Variants in BRI3BP observed in about 807,000 individuals in gnomAD.
BRI3BP encodes BRI3-binding protein.
BRI3BP carries 7 observed loss-of-function variants against 15.8 expected under a neutral mutation model. The observed-to-expected ratio is 0.44, with a 90% CI of 0.25 to 0.83. The LOEUF is 0.83. BRI3BP is among the 40% of genes least tolerant of loss of function. The probability of loss-of-function intolerance (pLI) is 0.20; values close to 1 mark genes in which losing one functional copy is unlikely to be tolerated. For synonymous variants in BRI3BP, 192 were observed against 163.5 expected (o/e 1.17, Z -1.33); for missense variants, 320 against 339.3 (o/e 0.94, Z 0.45).
downstream of BRI3BP, among the ~76,000 whole-genome samples, chr12:125,032,983 GC>G (rs1955417789): frequency 6.6e-6 from 1 of 152,044 alleles, no homozygotes; most frequent in South Asian, 2.1e-4. Context: ...ACCAGCTACA[GC>G]CTCACCATCT....
chr12:125,006,093 G>C (rs1257262217), intron 1 of BRI3BP, among the ~76,000 whole-genome samples: 4 of 151,998 alleles, frequency 2.6e-5, no homozygotes, highest in Admixed American at 2.6e-4. Flanking sequence ...GACACCAGTC[G>C]CATCGGATTA....
In BRI3BP at chr12:125,030,648, T is replaced by A. The variant is rs1024122214; in HGVS notation, c.*5218T>A. On this transcript the variant is annotated 3_prime_UTR_variant, in exon 3 of 3. Transcript: ENST00000341446. ...TGGTATTATTGACCATGTGTTCTCA[T>A]GTCTTTTTGCAGATTTAAAGGTTTT... The A allele has an allele frequency of 6.6e-6, 1 of 152,260 alleles. No homozygotes were observed. Among genetic ancestry groups the A allele is most frequent in the Non-Finnish European group, 1.5e-5 (1 of 68,040 alleles). The allele number at this position is 152,260 out of a possible 1,614,324, so 9.4% of individuals were successfully genotyped here.
chr12:125,008,299 C>CTTTTTTTTTTTTTTTTTT (rs55697100), intron 1 of BRI3BP, among the ~76,000 whole-genome samples: 13 of 99,930 alleles, frequency 1.3e-4, no homozygotes, highest in East Asian at 3.1e-4. Context: ...CCTCTTCTTT[C>CTTTTTTTTTTTTTTTTTT]TTTTTTTTTT....
chr12:125,033,902 C>T (rs1223789340), downstream of BRI3BP, among the ~76,000 whole-genome samples: 1 of 152,016 alleles, frequency 6.6e-6, no homozygotes, highest in Non-Finnish European at 1.5e-5. Flanking sequence ...ACCACCACAC[C>T]CAGCTAATTT....
At chr12:125,038,280 G>C in the BRI3BP span, among the ~76,000 whole-genome samples, 3 of 150,742 alleles carry the variant, frequency 2.0e-5, no homozygotes, top group African/African-American at 7.3e-5. Context: ...AAAGTTCACC[G>C]TTCTGTTCCA....
In BRI3BP at chr12:124,993,963, G is replaced by A; in HGVS notation, c.173G>A (p.Ser58Asn). 1.5e-6 allele frequency: 2 copies of A among 1,363,704 alleles called. No individual in the cohort carries two copies. The highest frequency in any genetic ancestry group is 1.6e-5 in the South Asian group (1 of 60,716). The allele number at this position is 1,363,704 out of a possible 1,614,324, so 84.5% of individuals were successfully genotyped here. A position where few individuals can be genotyped will look rare whatever the true frequency, so the allele number is the denominator to read the frequency against. The change falls in exon 1 of 3, where the codon AGC (serine) becomes AAC (asparagine). Residue 58 changes from serine (S) to asparagine (N), a missense_variant. Transcript: ENST00000341446. ...RTVNTFSQSV[S>N]SLFGEDNVRA... ...GTCAACACCTTCTCCCAGAGCGTCA[G>A]CAGCCTGTTCGGCGAGGACAACGTG...
At chr12:124,997,063 A>G (rs918942431) in intron 1 of BRI3BP, among the ~76,000 whole-genome samples, 1 of 151,350 alleles carries the variant, frequency 6.6e-6, no homozygotes, top group Non-Finnish European at 1.5e-5. Context: ...CCGGCCTCCC[A>G]TATTCTAATC....
chr12:124,997,159 G>T (rs545717424), intron 1 of BRI3BP, among the ~76,000 whole-genome samples: 93 of 143,492 alleles, frequency 6.5e-4, no homozygotes, highest in African/African-American at 2.2e-3. Context: ...TTTCTCACTC[G>T]CTCTGTGACC....
chr12:125,025,076 G>T lies in BRI3BP; in HGVS notation c.402G>T (p.Leu134=). The T allele has an allele frequency of 6.2e-7, 1 of 1,613,658 alleles. No individual in the cohort carries two copies. Among genetic ancestry groups the T allele is most frequent in the Non-Finnish European group, 8.5e-7 (1 of 1,180,016 alleles). ...TCCTGCTGGTCGGCGTCGTCCTCCT[G>T]GCCTACTGGTTCTTGTCCCTGACCC... The part of the protein sequence containing the change: ...RALLLVGVVL[L]AYWFLSLTLG... Residue 134 remains leucine (L), a synonymous_variant, in exon 3 of 3, where the codon CTG becomes CTT. Transcript: ENST00000341446.
chr12:125,033,460 G>A (rs929936677), downstream of BRI3BP, among the ~76,000 whole-genome samples: 7 of 152,114 alleles, frequency 4.6e-5, no homozygotes, highest in Admixed American at 3.3e-4. Context: ...CGTCAAAGCC[G>A]AGTGAGACTC....
At position 125,012,532 on chromosome 12, in the gene BRI3BP, A is replaced by G; in HGVS notation, c.214-2A>G. The stretch of plus-strand genomic sequence containing the variant: ...GTGATGACCGTTTTCTTGTTTCTGC[A>G]GTTCTTGGCCAGGCTGACTGAGAGA... On this transcript the variant is annotated splice_acceptor_variant, in intron 1 of 2. Transcript: ENST00000341446. LOFTEE classifies it high-confidence loss of function. 1 of 1,599,834 alleles carries G rather than the reference A, an allele frequency of 6.3e-7. No individual in the cohort carries two copies. Among genetic ancestry groups the G allele is most frequent in the Non-Finnish European group, 8.6e-7 (1 of 1,167,102 alleles).
At chr12:124,996,757 C>CT (rs35063111) in intron 1 of BRI3BP, among the ~76,000 whole-genome samples, 63,132 of 132,558 alleles carry the variant, frequency 0.48, 16,094 homozygotes, top group East Asian at 0.69. Context: ...ACCCCATAGT[C>CT]TTTTTTTTTT....
chr12:125,043,729 T>C, the BRI3BP span, among the ~76,000 whole-genome samples: 1 of 152,156 alleles, frequency 6.6e-6, no homozygotes, highest in East Asian at 1.9e-4. Context: ...TGGTTGTGCG[T>C]GTCTGTAATC....
At chr12:124,998,759 T>G (rs966716480) in intron 1 of BRI3BP, among the ~76,000 whole-genome samples, 1 of 152,126 alleles carries the variant, frequency 6.6e-6, no homozygotes, top group African/African-American at 2.4e-5. Context: ...AATGGCCAAC[T>G]TTATGTGTAT....
intron 1 of BRI3BP, among the ~76,000 whole-genome samples, chr12:124,997,647 G>A (rs1037393496): frequency 6.6e-6 from 1 of 152,264 alleles, no homozygotes; most frequent in Non-Finnish European, 1.5e-5. Flanking sequence ...TCTATATGAA[G>A]GGAATTTGTC....
At chr12:125,007,196 C>A (rs1456538604) in intron 1 of BRI3BP, among the ~76,000 whole-genome samples, 1 of 149,510 alleles carries the variant, frequency 6.7e-6, no homozygotes, top group Admixed American at 6.6e-5. Context: ...GAGACTCTGT[C>A]TCCGCCCCCC....
chr12:125,000,162 T>C, intron 1 of BRI3BP, among the ~76,000 whole-genome samples: 1 of 148,796 alleles, frequency 6.7e-6, no homozygotes, highest in Non-Finnish European at 1.5e-5. Flanking sequence ...TCCAGTCCTT[T>C]TTCCCCTACC....
the BRI3BP span, among the ~76,000 whole-genome samples, chr12:125,048,726 TAA>T: frequency 6.8e-6 from 1 of 146,978 alleles, no homozygotes; most frequent in African/African-American, 2.5e-5. Flanking sequence ...AAATAATAAT[TAA>T]AAAAAAAAGA....
chr12:125,000,335 A>C (rs1225536826), intron 1 of BRI3BP, among the ~76,000 whole-genome samples: 1 of 113,234 alleles, frequency 8.8e-6, no homozygotes, highest in African/African-American at 3.4e-5. Flanking sequence ...TTTTTTTGAG[A>C]GGGAGTCTCG....
Sources: allele counts gnomAD v4.1 joint callset (sites outside exome capture counted in the v4.1 genomes callset), GRCh38; gene constraint gnomAD v4.1.1; transcripts MANE v1.5; gene names NCBI Gene and HGNC (gene_info 2026-07-23, HGNC 2026-07-21).